ABCA3: variants seen among roughly 807,000 people sequenced by gnomAD.
ABCA3 encodes the protein phospholipid-transporting ATPase ABCA3.
In ABCA3, 88 loss-of-function variants were observed where a neutral mutation model predicts 172.8. That is an observed-to-expected ratio of 0.51 (90% CI 0.43 to 0.61). The LOEUF (loss-of-function observed/expected upper bound fraction) is 0.61, where lower values mean the gene tolerates loss of function less well. Ranked by LOEUF, ABCA3 falls within the 20% of genes least tolerant of loss-of-function variation. ABCA3 has a pLI of 0.00. For synonymous variants in ABCA3, 1,066 were observed against 983.8 expected (o/e 1.08, Z -1.56); for missense variants, 2,164 against 2,301.0 (o/e 0.94, Z 1.22).
chr16:2,290,228 C>T (rs2093669965), intron 19 of ABCA3, among the ~76,000 whole-genome samples: 1 of 152,168 alleles, frequency 6.6e-6, no homozygotes, highest in Non-Finnish European at 1.5e-5. Flanking sequence ...CAGTCCCACT[C>T]ATCTTTCATG....
rs752084325 is a variant in ABCA3 at position 2,298,346 on chromosome 16, C to T, written c.1896+40G>A. ...GACTGCCCCAGAAACTCGAGCACAT[C>T]AGTGGAAACACCCCTGCACACCCCT... On this transcript the variant is annotated intron_variant, in intron 15 of 32. Transcript: ENST00000301732. 9 of 1,613,270 alleles carry T rather than the reference C, an allele frequency of 5.6e-6. No homozygotes were observed. In the Admixed American group the frequency reaches 6.7e-5, roughly 12 times the overall value.
chr16:2,313,127 G>C (rs1041580537), intron 10 of ABCA3, among the ~76,000 whole-genome samples: 5 of 152,150 alleles, frequency 3.3e-5, no homozygotes, highest in Non-Finnish European at 5.9e-5. Context: ...TGGCAGTGGA[G>C]AACACAGTGA....
intron 18 of ABCA3, among the ~76,000 whole-genome samples, chr16:2,293,252 C>T (rs573300413): frequency 5.5e-4 from 83 of 151,590 alleles, no homozygotes; most frequent in African/African-American, 1.9e-3. Context: ...GGGGTTTCAC[C>T]GTGTTAGCCA....
chr16:2,317,680 C>A lies in ABCA3; in HGVS notation c.958G>T (p.Ala320Ser). Residue 320 changes from alanine (A) to serine (S), a missense_variant, in exon 9 of 33, where the codon GCC (alanine) becomes TCC (serine). By Grantham distance (99) the Ala-to-Ser change is moderately conservative. This residue lies in a region of ABCA3 where 1,343 missense variants were observed against 1,369.6 expected (regional missense o/e 0.98). Transcript: ENST00000301732. ...CAGAAGAGCAGGGTCATGAAGGAGG[C>A]GGCGATGAGGAGGAAGAGGAAGAAC... ...LLFFLFLLIA[A>S]SFMTLLFCVK... 12 of 1,614,154 alleles carry A rather than the reference C, an allele frequency of 7.4e-6. No individual in the cohort carries two copies. The highest frequency in any genetic ancestry group is 1.0e-5 in the Non-Finnish European group (12 of 1,179,994).
intron 1 of ABCA3, among the ~76,000 whole-genome samples, chr16:2,339,939 G>A (rs556932417): frequency 6.6e-6 from 1 of 152,374 alleles, no homozygotes; most frequent in East Asian, 1.9e-4. Flanking sequence ...GCGGCCTCCG[G>A]CGACTGCCAC....
chr16:2,306,870 C>G (rs547516746), intron 11 of ABCA3, among the ~76,000 whole-genome samples: 4 of 151,854 alleles, frequency 2.6e-5, no homozygotes, highest in South Asian at 4.2e-4. Context: ...AAAAAATTAG[C>G]TGGGCACGGT....
At chr16:2,309,554 C>T (rs1415783189) in intron 10 of ABCA3, among the ~76,000 whole-genome samples, 1 of 152,114 alleles carries the variant, frequency 6.6e-6, no homozygotes, top group African/African-American at 2.4e-5. Context: ...GAGTGGATTA[C>T]GGAGAGTGGA....
At chr16:2,311,553 C>T (rs1458681753) in intron 10 of ABCA3, among the ~76,000 whole-genome samples, 2 of 152,022 alleles carry the variant, frequency 1.3e-5, no homozygotes, top group East Asian at 1.9e-4. Context: ...GAGAGAGTCT[C>T]GCTCTGTCGC....
chr16:2,312,997 G>A (rs1246095659), intron 10 of ABCA3, among the ~76,000 whole-genome samples: 1 of 152,060 alleles, frequency 6.6e-6, no homozygotes, highest in African/African-American at 2.4e-5. Context: ...AGAGGTTGCA[G>A]TGAGTCGAGA....
chr16:2,324,528 C>T lies in ABCA3; in HGVS notation c.323G>A (p.Arg108His), dbSNP rs759505278. 8 of 1,609,416 alleles carry T rather than the reference C, an allele frequency of 5.0e-6. No individual in the cohort carries two copies. Among genetic ancestry groups the T allele is most frequent in the East Asian group, 4.5e-5 (2 of 44,874 alleles). Residue 108 changes from arginine to histidine, a missense_variant, in exon 6 of 33, where the codon CGC becomes CAC. This residue lies in a region of ABCA3 where 1,343 missense variants were observed against 1,369.6 expected (regional missense o/e 0.98). Coordinates refer to ENST00000301732, the MANE Select transcript of ABCA3 (RefSeq NM_001089.3). ...RRALVINMRV[R>H]GFPSEKDFED... ...AAAGTCCTTCTCGGAGGGAAAGCCG[C>T]GCACTGCAAAGAGAGAGCACGGGAG...
Position 2,328,476 on chromosome 16 carries a change from A to G in ABCA3, c.-50T>C. The G allele has an allele frequency of 2.0e-6, 1 of 509,628 alleles. No individual in the cohort carries two copies. The highest frequency in any genetic ancestry group is 2.0e-5 in the Admixed American group (1 of 50,004). 31.6% of individuals were successfully genotyped at this position (509,628 alleles called of 1,614,324 possible). A position where few individuals can be genotyped will look rare whatever the true frequency, so the allele number is the denominator to read the frequency against. ...ACCTGCTAGAGAAGTAGGTGGTCTGAGTAAGTTCAAGTAGGCGCTGCAACC... is the reference window on the plus strand; with the variant it reads ...ACCTGCTAGAGAAGTAGGTGGTCTGGGTAAGTTCAAGTAGGCGCTGCAACC... On this transcript the variant is annotated 5_prime_UTR_variant, in exon 3 of 33. Transcript: ENST00000301732.
intron 1 of ABCA3, among the ~76,000 whole-genome samples, chr16:2,335,523 G>C (rs1364597423): frequency 2.0e-5 from 3 of 152,068 alleles, no homozygotes; most frequent in African/African-American, 7.2e-5. Flanking sequence ...TCTTGCCTCA[G>C]CCTCCCAAAG....
chr16:2,283,102 G>A lies in ABCA3; in HGVS notation c.4035+84C>T. 1.4e-6 allele frequency: 2 copies of A among 1,432,486 alleles called. No homozygotes were observed. Among genetic ancestry groups the A allele is most frequent in the Middle Eastern group, 2.3e-4 (1 of 4,432 alleles). 88.7% of individuals were successfully genotyped at this position (1,432,486 alleles called of 1,614,324 possible). On this transcript the variant is annotated intron_variant, in intron 26 of 32. Transcript: ENST00000301732. This position sits in a 1 kb window ranked among gnomAD's most constrained non-coding sequence, Gnocchi z 5.4. Reference sequence around the variant, plus strand: ...CAGGAGCTGCCTGGTGGAGAAGGAGGTGGAGCTGCCCCAGGTTGTGCTGGG... The same window carrying A: ...CAGGAGCTGCCTGGTGGAGAAGGAGATGGAGCTGCCCCAGGTTGTGCTGGG...
rs377712129 is a variant in ABCA3 at position 2,286,880 on chromosome 16, T to C, written c.3092A>G (p.Asp1031Gly). 3.7e-6 allele frequency: 6 copies of C among 1,613,868 alleles called. No homozygotes were observed. In the African/African-American group the frequency reaches 5.3e-5, roughly 14 times the overall value. The change falls in exon 22 of 33, where the codon GAT (aspartate) becomes GGT (glycine). Residue 1031 changes from aspartate to glycine, a missense_variant. Physicochemically the swap from Asp to Gly is moderately conservative, Grantham distance 94. This residue lies in a region of ABCA3 where 26 missense variants were observed against 49.5 expected (regional missense o/e 0.53). Coordinates refer to ENST00000301732, the MANE Select transcript of ABCA3 (RefSeq NM_001089.3). The surrounding 1 kb of genome is among the most constrained non-coding windows in gnomAD (Gnocchi z 5.2). ...ERCLVAASFR[D>G]VGERTVVNAL... is the part of the protein sequence containing the mutation. ...GTTGACGACCGTGCGCTCTCCCACA[T>C]CTCTGAAGGACGCTGCCACAAGGCA...
rs375783245 is a variant in ABCA3, at chr16:2,281,032, C to G, written c.4354G>C (p.Gly1452Arg). 7.4e-6 allele frequency: 12 copies of G among 1,613,798 alleles called. No homozygotes were observed. The highest frequency in any genetic ancestry group is 2.7e-5 in the African/African-American group (2 of 74,918). ...GCCTCCCTGGCTGCACCCACCTTTCCGACATCAGAGCTGATTCTGTGACCC... is the reference window on the plus strand; with the variant it reads ...GCCTCCCTGGCTGCACCCACCTTTCGGACATCAGAGCTGATTCTGTGACCC... ...VGGHRISSDV[G>R]KVRQRIGYCP... The change falls in exon 28 of 33, where the codon GGA (glycine) becomes CGA (arginine). Residue 1452 changes from glycine (G) to arginine (R), a missense_variant. By Grantham distance (125) the Gly-to-Arg change is moderately radical (BLOSUM62 -2). Transcript: ENST00000301732. The surrounding 1 kb of genome is among the most constrained non-coding windows in gnomAD (Gnocchi z 4.7).
chr16:2,328,005 G>T (rs1343842662), intron 3 of ABCA3, among the ~76,000 whole-genome samples: 1 of 152,196 alleles, frequency 6.6e-6, no homozygotes, highest in Non-Finnish European at 1.5e-5. Flanking sequence ...ATAGGCGTGA[G>T]CCACTGTGCC....
At chr16:2,332,778 A>G in intron 1 of ABCA3, 1 of 791,880 alleles carries the variant, frequency 1.3e-6, no homozygotes, top group Non-Finnish European at 2.0e-6. Flanking sequence ...TTTTGTGTGC[A>G]CCATAGGCTT....
chr16:2,281,936 C>T lies in ABCA3; in HGVS notation c.4036-427G>A, dbSNP rs891226637. Among the ~76,000 whole-genome samples, 7 of 151,900 alleles carry T rather than the reference C, an allele frequency of 4.6e-5. No individual in the cohort carries two copies. The highest frequency in any genetic ancestry group is 3.9e-4 in the East Asian group (2 of 5,188). ...TCTCCTGCTTCAGCCTCCCGAGTAG[C>T]GCGCCACCACGCCCAGCTAATTTTT... On this transcript the variant is annotated intron_variant, in intron 26 of 32. Transcript: ENST00000301732. The surrounding 1 kb of genome is among the most constrained non-coding windows in gnomAD (Gnocchi z 4.7).
In ABCA3 at chr16:2,324,431, G is replaced by A. The variant is rs1206531668; in HGVS notation, c.420C>T (p.Asn140=). ...CCAGCGGCAGGGGCTCCTTGCTGTG[G>A]TTGAAGGGGTGCTCGAAGACCACGG... The part of the protein sequence containing the change: ...LAAVVFEHPF[N]HSKEPLPLAV... Residue 140 remains asparagine (N), a synonymous_variant, in exon 6 of 33, where the codon AAC becomes AAT. Transcript: ENST00000301732. 1 of 1,604,956 alleles carries A rather than the reference G, an allele frequency of 6.2e-7. No homozygotes were observed. Among genetic ancestry groups the A allele is most frequent in the Non-Finnish European group, 8.5e-7 (1 of 1,178,792 alleles).
Sources: allele counts gnomAD v4.1 joint callset (sites outside exome capture counted in the v4.1 genomes callset), GRCh38; gene constraint gnomAD v4.1.1; regional missense constraint gnomAD v4.1.1; non-coding constraint Gnocchi (gnomAD v3.1); transcripts MANE v1.5; gene names NCBI Gene and HGNC (gene_info 2026-07-23, HGNC 2026-07-21).